Variants in ITFG1 observed in about 807,000 individuals in gnomAD.
The protein encoded by ITFG1 is integrin alpha FG-GAP repeat containing 1.
A neutral mutation model predicts 81.8 loss-of-function variants in ITFG1; 34 were observed. The observed-to-expected ratio is 0.42, with a 90% CI of 0.32 to 0.55. ITFG1 has a LOEUF of 0.55. ITFG1 is among the 20% of genes least tolerant of loss of function. ITFG1 has a pLI of 0.17. For synonymous variants in ITFG1, 285 were observed against 270.6 expected (o/e 1.05, Z -0.52); for missense variants, 672 against 755.4 (o/e 0.89, Z 1.29).
rs558330055 is a variant in ITFG1 at position 47,439,350 on chromosome 16, C to A, written c.561-10452G>T. Among the ~76,000 whole-genome samples the A allele has an allele frequency of 7.1e-4, 108 of 152,236 alleles. 2 individuals carry two copies. The South Asian group carries it at 0.021, about 30-fold the overall frequency. ...ATACAGAGAACACCACAAAGATACTCCTCGAGAACAGCAACTCCAAGACAC... is the reference window on the plus strand; with the variant it reads ...ATACAGAGAACACCACAAAGATACTACTCGAGAACAGCAACTCCAAGACAC... On this transcript the variant is annotated intron_variant, in intron 5 of 17. Transcript: ENST00000320640.
At position 47,295,307 on chromosome 16, in the gene ITFG1, G is replaced by C. The variant is rs1379210994; in HGVS notation, c.1070+15933C>G. On this transcript the variant is annotated intron_variant, in intron 10 of 17. Coordinates refer to ENST00000320640, the MANE Select transcript of ITFG1 (RefSeq NM_030790.5). Reference sequence around the variant, plus strand: ...GTACTTGTCTAACTTTGGTATCAGGGTGATAACAATTTCATATAATGAGTT... The same window carrying C: ...GTACTTGTCTAACTTTGGTATCAGGCTGATAACAATTTCATATAATGAGTT... Among the ~76,000 whole-genome samples, 5 of 152,238 alleles carry C rather than the reference G, an allele frequency of 3.3e-5. No homozygotes were observed. In the East Asian group the frequency reaches 9.6e-4, roughly 29 times the overall value.
intron 6 of ITFG1, chr16:47,425,827 G>C (rs532207413): frequency 2.6e-5 from 4 of 152,188 alleles, no homozygotes; most frequent in East Asian, 1.9e-4. Flanking sequence ...CTAAGCTCAA[G>C]TAATCTGCTT....
In ITFG1 at chr16:47,461,025, G is replaced by T; in HGVS notation, c.21C>A (p.Leu7=). 6.5e-7 allele frequency: 1 copy of T among 1,543,088 alleles called. No homozygotes were observed. The highest frequency in any genetic ancestry group is 8.7e-7 in the Non-Finnish European group (1 of 1,146,306). The change falls in exon 1 of 18, where the codon CTC becomes CTA. Residue 7 remains leucine (L), a synonymous_variant. Coordinates refer to ENST00000320640, the MANE Select transcript of ITFG1 (RefSeq NM_030790.5). ...GCGAGAAGAGGGCCCAGGAGCTCGG[G>T]AGCCGGCCCGCCGCCGCCATGGCAG... is the stretch of plus-strand genomic sequence containing the variant. The part of the protein sequence containing the change: MAAAGR[L]PSSWALFSPL...
intron 5 of ITFG1, among the ~76,000 whole-genome samples, chr16:47,431,796 T>C (rs2151610681): frequency 6.6e-6 from 1 of 152,310 alleles, no homozygotes; most frequent in Admixed American, 6.5e-5. Flanking sequence ...TAACATCTTA[T>C]ACAACCACAG....
intron 8 of ITFG1, among the ~76,000 whole-genome samples, chr16:47,326,261 C>T (rs926969975): frequency 1.8e-4 from 28 of 152,080 alleles, no homozygotes; most frequent in South Asian, 8.3e-4. Flanking sequence ...TGGCCTTTGA[C>T]AAAATTCAAC....
At chr16:47,455,708 G>T (rs1415994626) in intron 2 of ITFG1, among the ~76,000 whole-genome samples, 1 of 146,614 alleles carries the variant, frequency 6.8e-6, no homozygotes, top group East Asian at 2.0e-4. Flanking sequence ...GGTGGAGATT[G>T]CAGTGAGCCA....
chr16:47,452,880 T>G, intron 3 of ITFG1, 90 bp from the exon 4 acceptor site: 1 of 627,362 alleles, frequency 1.6e-6, no homozygotes, highest in Non-Finnish European at 2.7e-6. Context: ...CTTCTACTCT[T>G]TTCTAGATTT....
intron 14 of ITFG1, among the ~76,000 whole-genome samples, chr16:47,191,806 C>A (rs760885372): frequency 3.6e-4 from 55 of 152,286 alleles, no homozygotes; most frequent in South Asian, 8.3e-4. Flanking sequence ...TGAGCCACCG[C>A]GCCTGCCCTT....
intron 14 of ITFG1, among the ~76,000 whole-genome samples, chr16:47,215,628 G>A (rs551321657): frequency 9.2e-5 from 14 of 152,158 alleles, no homozygotes; most frequent in African/African-American, 2.2e-4. Flanking sequence ...CATTTTATGC[G>A]TCATTTTGTT....
intron 10 of ITFG1, among the ~76,000 whole-genome samples, chr16:47,284,355 C>T (rs987338894): frequency 2.6e-5 from 4 of 152,112 alleles, no homozygotes; most frequent in African/African-American, 9.7e-5. Flanking sequence ...TAACATATTT[C>T]TATAGTCAAG....
intron 7 of ITFG1, among the ~76,000 whole-genome samples, chr16:47,368,698 T>C (rs1968211428): frequency 1.3e-5 from 2 of 149,930 alleles, no homozygotes; most frequent in Non-Finnish European, 3.0e-5. Flanking sequence ...ATCAACTCAA[T>C]ATACTAACTG....
chr16:47,388,644 C>G (rs1289267047), intron 6 of ITFG1, among the ~76,000 whole-genome samples: 1 of 152,112 alleles, frequency 6.6e-6, no homozygotes, highest in Non-Finnish European at 1.5e-5. Flanking sequence ...AAAGACATTT[C>G]TAGATAATGA....
intron 12 of ITFG1, among the ~76,000 whole-genome samples, chr16:47,238,861 T>C (rs578201751): frequency 6.6e-6 from 1 of 152,322 alleles, no homozygotes; most frequent in African/African-American, 2.4e-5. Context: ...TATAAATGTT[T>C]GACTTAGGCA....
At chr16:47,368,369 T>G (rs550265983) in intron 7 of ITFG1, among the ~76,000 whole-genome samples, 1 of 150,466 alleles carries the variant, frequency 6.6e-6, no homozygotes, top group African/African-American at 2.4e-5. Context: ...CTGGCCAACA[T>G]GATGAAACCC....
intron 14 of ITFG1, among the ~76,000 whole-genome samples, chr16:47,162,999 G>T (rs1252559074): frequency 3.3e-5 from 5 of 152,040 alleles, no homozygotes; most frequent in Non-Finnish European, 4.4e-5. Flanking sequence ...TGGAGACGGG[G>T]TCTTACTATG....
chr16:47,396,191 T>G, intron 6 of ITFG1: 1 of 984,908 alleles, frequency 1.0e-6, no homozygotes, highest in African/African-American at 1.7e-5. Context: ...GAAAAGTTAA[T>G]CGGCTGCAAC....
At chr16:47,264,979 T>C (rs1966259018) in intron 10 of ITFG1, among the ~76,000 whole-genome samples, 2 of 152,154 alleles carry the variant, frequency 1.3e-5, no homozygotes, top group Admixed American at 6.5e-5. Context: ...ATATCCTTGT[T>C]TGTAAGATGG....
At chr16:47,317,009 A>G (rs1357715168) in intron 8 of ITFG1, among the ~76,000 whole-genome samples, 1 of 152,186 alleles carries the variant, frequency 6.6e-6, no homozygotes, top group Non-Finnish European at 1.5e-5. Flanking sequence ...TTGAAGGCCA[A>G]AATTCTTTCT....
At chr16:47,227,700 G>A (rs1965772521) in intron 13 of ITFG1, among the ~76,000 whole-genome samples, 1 of 151,990 alleles carries the variant, frequency 6.6e-6, no homozygotes, top group Admixed American at 6.6e-5. Flanking sequence ...CTCCTATAGT[G>A]GAGCGCAAAT....
Sources: gnomAD v4.1 joint callset for allele counts (sites outside exome capture counted in the v4.1 genomes callset) on GRCh38, gnomAD v4.1.1 for gene constraint, MANE v1.5 for transcripts, NCBI Gene and HGNC (gene_info 2026-07-23, HGNC 2026-07-21) for gene names.